The following PARP12 variants were observed in gnomAD, a reference collection of about 807,000 sequenced individuals.
PARP12 encodes poly(ADP-ribose) polymerase family member 12.
Under a neutral mutation model 72.4 loss-of-function variants are expected in PARP12, and 59 were observed. The ratio of observed to expected loss-of-function variants is 0.81; its 90% CI spans 0.66 to 1.01. PARP12 has a LOEUF of 1.01. PARP12 is among the 50% of genes least tolerant of loss of function. PARP12 has a pLI of 0.00. For synonymous variants in PARP12, 403 were observed against 371.4 expected (o/e 1.09, Z -0.98); for missense variants, 851 against 914.0 (o/e 0.93, Z 0.89).
chr7:140,055,058 T>C (rs1323805310), intron 3 of PARP12, among the ~76,000 whole-genome samples: 1 of 152,188 alleles, frequency 6.6e-6, no homozygotes, highest in Non-Finnish European at 1.5e-5. Context: ...CACAAGTGCC[T>C]GATTCTGCCC....
chr7:140,058,810 T>C (rs1245287435), intron 1 of PARP12, among the ~76,000 whole-genome samples: 1 of 152,152 alleles, frequency 6.6e-6, no homozygotes. Flanking sequence ...AAAACCAGCA[T>C]GTAGGCTGGG....
At chr7:140,038,032 T>C in intron 6 of PARP12, 176 bp from the exon 7 acceptor site, 1 of 985,394 alleles carries the variant, frequency 1.0e-6, no homozygotes, top group Non-Finnish European at 1.2e-6. Flanking sequence ...GGAGGCAACA[T>C]GACTGTCTCC....
rs537521341 is a variant in PARP12 at position 140,054,772 on chromosome 7, A to G, written c.761-9T>C. Reference sequence around the variant, plus strand: ...TGAACTGTCTTTTCTTTCTGCAAAGAAACACCACAAAGATATGTCAGCTTC... The same window carrying G: ...TGAACTGTCTTTTCTTTCTGCAAAGGAACACCACAAAGATATGTCAGCTTC... On this transcript the variant is annotated splice_polypyrimidine_tract_variant and intron_variant, in intron 3 of 11. Transcript: ENST00000263549. 1.3e-4 allele frequency: 215 copies of G among 1,592,762 alleles called. No homozygotes were observed. Among genetic ancestry groups the G allele is most frequent in the Non-Finnish European group, 1.8e-4 (210 of 1,160,588 alleles).
intron 2 of PARP12, 71 bp downstream of exon 2, chr7:140,057,828 G>A (rs1817249783): frequency 1.1e-5 from 17 of 1,585,018 alleles, no homozygotes; most frequent in Non-Finnish European, 1.2e-5. Context: ...TCCACTCCCA[G>A]TCATTACATT....
chr7:140,026,406 C>T lies in PARP12; in HGVS notation c.1629-58G>A, dbSNP rs546432501. Reference sequence around the variant, plus strand: ...GAGTGTGCCGGCCACCAAATACAGCCGGCCTGATGCAAAACAACACATTTT... The same window carrying T: ...GAGTGTGCCGGCCACCAAATACAGCTGGCCTGATGCAAAACAACACATTTT... On this transcript the variant is annotated intron_variant, in intron 10 of 11. Transcript: ENST00000263549. 131 of 1,558,488 alleles carry T rather than the reference C, an allele frequency of 8.4e-5. No individual in the cohort carries two copies. In the African/African-American group the frequency reaches 1.1e-3, roughly 13 times the overall value.
intron 6 of PARP12, among the ~76,000 whole-genome samples, chr7:140,040,700 C>T (rs1262890927): frequency 6.6e-6 from 1 of 152,098 alleles, no homozygotes. Context: ...CTCTTGAAAC[C>T]CAGAAGAGTA....
intron 4 of PARP12, among the ~76,000 whole-genome samples, chr7:140,050,956 G>A (rs1262103076): frequency 6.6e-6 from 1 of 152,032 alleles, no homozygotes; most frequent in Non-Finnish European, 1.5e-5. Flanking sequence ...CAATAAAAAT[G>A]GGTATAACTG....
intron 6 of PARP12, chr7:140,038,204 GC>G: frequency 1.0e-6 from 1 of 985,456 alleles, no homozygotes; most frequent in Non-Finnish European, 1.2e-6. Context: ...CTGGAGTGCT[GC>G]TTGACTGGGC....
intron 5 of PARP12, among the ~76,000 whole-genome samples, chr7:140,042,390 A>G (rs573965684): frequency 6.6e-6 from 1 of 152,338 alleles, no homozygotes; most frequent in African/African-American, 2.4e-5. Context: ...CACAGCCTGC[A>G]CCTGAGCCAC....
intron 3 of PARP12, among the ~76,000 whole-genome samples, chr7:140,055,328 C>A (rs1042233127): frequency 1.3e-5 from 2 of 152,090 alleles, no homozygotes; most frequent in African/African-American, 4.8e-5. Flanking sequence ...AAAGAAAGTC[C>A]ACATTTCAAA....
chr7:140,028,750 A>C, intron 8 of PARP12, 62 bp from the exon 9 acceptor site: 2 of 1,419,712 alleles, frequency 1.4e-6, no homozygotes, highest in Non-Finnish European at 1.9e-6. Flanking sequence ...AATATACCAT[A>C]GGTGGTCTCT....
At chr7:140,058,174 G>A (rs1221234999) in intron 1 of PARP12, 140 bp from the exon 2 acceptor site, 7 of 934,066 alleles carry the variant, frequency 7.5e-6, no homozygotes, top group African/African-American at 6.6e-5. Flanking sequence ...GTTAAAAAGA[G>A]GTCCATAGGG....
intron 10 of PARP12, 141 bp downstream of exon 10, chr7:140,027,135 G>T: frequency 1.7e-6 from 2 of 1,198,552 alleles, no homozygotes; most frequent in Non-Finnish European, 1.2e-6. Flanking sequence ...GCGGACGAAG[G>T]AGAGCAGACA....
At chr7:140,027,477 T>C in intron 9 of PARP12, 71 bp from the exon 10 acceptor site, 1 of 1,574,268 alleles carries the variant, frequency 6.4e-7, no homozygotes, top group Non-Finnish European at 8.7e-7. Flanking sequence ...TTCCCAAAGC[T>C]TCTTGTAAAC....
Position 140,026,186 on chromosome 7 carries a change from T to A in PARP12, c.1780+11A>T. On this transcript the variant is annotated intron_variant, in intron 11 of 11. Coordinates refer to ENST00000263549, the MANE Select transcript of PARP12 (RefSeq NM_022750.4). ...CATGGGTTTTGCTGGTGGAGGCCAG[T>A]CATGCCTTACCCTTGCCGTAGGAAG... The A allele has an allele frequency of 6.2e-7, 1 of 1,614,142 alleles. No homozygotes were observed. Among genetic ancestry groups the A allele is most frequent in the Non-Finnish European group, 8.5e-7 (1 of 1,180,028 alleles).
Position 140,024,750 on chromosome 7 carries a change from GCCGGCGGACGGA to G in PARP12, c.1904_1915del (p.Val635_Pro638del), listed in dbSNP as rs1339890280. The stretch of plus-strand genomic sequence containing the variant: ...GAAGGCGTTGCTCCAGCCCTCCTTG[GCCGGCGGACGGA>G]CAAAGGAGGCATTGCCCCTGACGAA... On this transcript the variant is annotated inframe_deletion, in exon 12 of 12. Coordinates refer to ENST00000263549, the MANE Select transcript of PARP12 (RefSeq NM_022750.4). 1.2e-6 allele frequency: 2 copies of G among 1,614,058 alleles called. No homozygotes were observed. The highest frequency in any genetic ancestry group is 1.7e-5 in the Admixed American group (1 of 59,992).
chr7:140,027,137 G>T, intron 10 of PARP12, 139 bp downstream of exon 10: 1 of 1,213,488 alleles, frequency 8.2e-7, no homozygotes, highest in Non-Finnish European at 1.2e-6. Flanking sequence ...GGACGAAGGA[G>T]AGCAGACACA....
At chr7:140,036,166 C>T (rs79338695) in intron 7 of PARP12, among the ~76,000 whole-genome samples, 3,885 of 152,272 alleles carry the variant, frequency 0.026, 80 homozygotes, top group African/African-American at 0.059. Context: ...TTCCCCATCC[C>T]TATTATGAGG....
At chr7:140,050,685 T>C (rs550785367) in intron 4 of PARP12, among the ~76,000 whole-genome samples, 62 of 152,338 alleles carry the variant, frequency 4.1e-4, no homozygotes, top group African/African-American at 1.3e-3. Context: ...AGAACAAGTA[T>C]TCACAGCTAG....
Sources: gnomAD v4.1 joint callset for allele counts (sites outside exome capture counted in the v4.1 genomes callset) on GRCh38, gnomAD v4.1.1 for gene constraint, MANE v1.5 for transcripts, NCBI Gene and HGNC (gene_info 2026-07-23, HGNC 2026-07-21) for gene names.